AGL: variants seen among roughly 807,000 people sequenced by gnomAD.
AGL encodes amylo-alpha-1,6-glucosidase and 4-alpha-glucanotransferase.
A neutral mutation model predicts 199.3 loss-of-function variants in AGL; 128 were observed. The observed-to-expected ratio is 0.64, with a 90% confidence interval of 0.56 to 0.74. AGL has a LOEUF of 0.74. Ranked by LOEUF, AGL falls within the 30% of genes least tolerant of loss-of-function variation. The probability of loss-of-function intolerance (pLI) is 0.00; values close to 1 mark genes in which losing one functional copy is unlikely to be tolerated. For missense variants in AGL, 1,809 were observed against 1,820.8 expected (o/e 0.99, Z 0.12); for synonymous variants, 584 against 594.7 (o/e 0.98, Z 0.26).
At chr1:99,916,303 C>A in intron 31 of AGL, 107 bp from the exon 32 acceptor site, 11 of 902,986 alleles carry the variant, frequency 1.2e-5, no homozygotes, top group East Asian at 2.7e-5. Flanking sequence ...CTGTAGAAGA[C>A]AAAATAATTG....
chr1:99,866,826 A>ATTTAT (rs1553184052), intron 5 of AGL, among the ~76,000 whole-genome samples: 19 of 148,768 alleles, frequency 1.3e-4, no homozygotes, highest in African/African-American at 4.4e-4. Flanking sequence ...TATTTATTTT[A>ATTTAT]TTTTTTTTTG....
intron 20 of AGL, among the ~76,000 whole-genome samples, chr1:99,886,122 T>C (rs1176842316): frequency 2.6e-5 from 4 of 152,334 alleles, no homozygotes; most frequent in Non-Finnish European, 5.9e-5. Flanking sequence ...TTTAAGGGCA[T>C]GGAGTATAGA....
chr1:99,907,632 T>C (rs1654395278), intron 27 of AGL, among the ~76,000 whole-genome samples: 1 of 152,072 alleles, frequency 6.6e-6, no homozygotes, highest in Non-Finnish European at 1.5e-5. Context: ...CTGTGTTTGT[T>C]TTTTTGGATT....
chr1:99,918,695 T>C (rs1405228744), intron 33 of AGL, among the ~76,000 whole-genome samples: 1 of 152,166 alleles, frequency 6.6e-6, no homozygotes, highest in African/African-American at 2.4e-5. Context: ...TTTTGGTGTT[T>C]CTGTAAATGT....
chr1:99,866,882 G>A (rs559725791), intron 5 of AGL, among the ~76,000 whole-genome samples: 9 of 151,564 alleles, frequency 5.9e-5, no homozygotes, highest in Non-Finnish European at 7.4e-5. Context: ...GCAATGGCGC[G>A]ATCTCGGCTC....
chr1:99,852,709 A>T, intron 2 of AGL: 1 of 780,692 alleles, frequency 1.3e-6, no homozygotes, highest in Non-Finnish European at 2.4e-6. Flanking sequence ...TATTGGTGAG[A>T]TGAAAGTGGT....
rs1650136912 is a variant in AGL, at chr1:99,862,491, T to A, written c.460+68T>A. On this transcript the variant is annotated intron_variant, in intron 4 of 33. Transcript: ENST00000361915. ...TGTAATTATCCTCTGTGATATAGATTTCAAAAGTTTTGTGTATTAGTCCAT... is the reference window on the plus strand; with the variant it reads ...TGTAATTATCCTCTGTGATATAGATATCAAAAGTTTTGTGTATTAGTCCAT... The A allele has an allele frequency of 3.9e-6, 6 of 1,555,382 alleles. No individual in the cohort carries two copies. The Admixed American group carries it at 8.4e-5, about 22-fold the overall frequency.
In AGL at chr1:99,910,763, G is replaced by A; in HGVS notation, c.3752G>A (p.Gly1251Glu). 2 of 1,612,416 alleles carry A rather than the reference G, an allele frequency of 1.2e-6. No individual in the cohort carries two copies. The highest frequency in any genetic ancestry group is 2.2e-5 in the South Asian group (2 of 91,024). Residue 1251 changes from glycine to glutamate, a missense_variant, in exon 28 of 34, where the codon GGA (glycine) becomes GAA (glutamate). Gly to Glu is a moderately conservative substitution (Grantham distance 98, BLOSUM62 -2). Transcript: ENST00000361915. Reference protein sequence around the residue: ...VDEETGFVYGGNRFNCGTWMD... With the variant: ...VDEETGFVYGENRFNCGTWMD... ...GAAGAAACAGGATTTGTTTATGGAG[G>A]AAATCGTTTCAATTGTGGCACATGG...
intron 5 of AGL, 89 bp downstream of exon 5, chr1:99,864,678 AAG>A: frequency 1.6e-6 from 2 of 1,234,982 alleles, no homozygotes; most frequent in Non-Finnish European, 2.3e-6. Context: ...GGAAGAAAGA[AAG>A]AGAAAGGAAA....
At chr1:99,859,552 A>G (rs941058267) in intron 2 of AGL, among the ~76,000 whole-genome samples, 6 of 18,586 alleles carry the variant, frequency 3.2e-4, no homozygotes, top group South Asian at 3.4e-3. Context: ...AAAAGTGGTT[A>G]TTACATTTTT....
chr1:99,858,213 A>C (rs1033949065), intron 2 of AGL, among the ~76,000 whole-genome samples: 1 of 152,258 alleles, frequency 6.6e-6, no homozygotes, highest in Non-Finnish European at 1.5e-5. Flanking sequence ...TCGAACTTAA[A>C]AGATGAGTTA....
chr1:99,918,016 C>T (rs953725410), intron 33 of AGL, among the ~76,000 whole-genome samples: 1 of 152,154 alleles, frequency 6.6e-6, no homozygotes, highest in South Asian at 2.1e-4. Context: ...TTCTGTATCT[C>T]CATCTTGTAT....
In AGL at chr1:99,862,237, T is replaced by C. The variant is rs1229424392; in HGVS notation, c.294-20T>C. The C allele has an allele frequency of 1.2e-6, 2 of 1,613,790 alleles. No homozygotes were observed. The highest frequency in any genetic ancestry group is 3.3e-5 in the Admixed American group (2 of 60,006). ...TTTCTATCACTGACTGAAAAGTTTTTGTTTTGTTTTTTCCCTTAGAAATGA... is the reference window on the plus strand; with the variant it reads ...TTTCTATCACTGACTGAAAAGTTTTCGTTTTGTTTTTTCCCTTAGAAATGA... On this transcript the variant is annotated intron_variant, in intron 3 of 33. Transcript: ENST00000361915.
At position 99,867,062 on chromosome 1, in the gene AGL, G is replaced by A. The variant is rs145463384; in HGVS notation, c.664+2473G>A. On this transcript the variant is annotated intron_variant, in intron 5 of 33. Transcript: ENST00000361915. ...TTGAACTCCCGACCTCAAGTGATCC[G>A]CCCACCTTGGCCTCCCAAAGTGCTG... is the stretch of plus-strand genomic sequence containing the variant. Among the ~76,000 whole-genome samples, 710 of 152,072 alleles carry A rather than the reference G, an allele frequency of 4.7e-3. 4 individuals are homozygous for A. The highest frequency in any genetic ancestry group is 0.015 in the African/African-American group (636 of 41,492).
At chr1:99,875,597 A>T in intron 10 of AGL, 142 bp downstream of exon 10, 1 of 775,786 alleles carries the variant, frequency 1.3e-6, no homozygotes, top group Non-Finnish European at 2.1e-6. Flanking sequence ...ATTTGGACAT[A>T]GGCTTAATAT....
Position 99,900,879 on chromosome 1 carries a change from A to G in AGL, c.3588+18A>G, listed in dbSNP as rs750332432. ...GCACACTGGTAAAGATATTTCTTAA[A>G]ATGTTTTTTTGTTTTTTTTTTTTTT... is the stretch of plus-strand genomic sequence containing the variant. On this transcript the variant is annotated intron_variant, in intron 26 of 33. Transcript: ENST00000361915. The G allele has an allele frequency of 1.9e-6, 3 of 1,554,788 alleles. No individual in the cohort carries two copies. Among genetic ancestry groups the G allele is most frequent in the South Asian group, 2.3e-5 (2 of 86,362 alleles).
chr1:99,915,951 C>T (rs1230624936), intron 31 of AGL, among the ~76,000 whole-genome samples: 1 of 152,052 alleles, frequency 6.6e-6, no homozygotes, highest in Non-Finnish European at 1.5e-5. Context: ...GATAATAGGC[C>T]AATTTTAATT....
chr1:99,884,157 T>G lies in AGL; in HGVS notation c.2346T>G (p.Ile782Met). 1 of 1,612,910 alleles carries G rather than the reference T, an allele frequency of 6.2e-7. No individual in the cohort carries two copies. Among genetic ancestry groups the G allele is most frequent in the Non-Finnish European group, 8.5e-7 (1 of 1,179,124 alleles). The stretch of plus-strand genomic sequence containing the variant: ...AAGTAGTTCTTGAAGCTAGAACTAT[T>G]GAGAGAAACACGAAACCTTATAGGA... ...IEEVVLEART[I>M]ERNTKPYRKD... Residue 782 changes from isoleucine (I) to methionine (M), a missense_variant, in exon 18 of 34, where the codon ATT (isoleucine) becomes ATG (methionine). Ile to Met is a conservative substitution (Grantham distance 10, BLOSUM62 1). Transcript: ENST00000361915.
At chr1:99,908,266 A>T (rs1199822366) in intron 27 of AGL, among the ~76,000 whole-genome samples, 1 of 152,034 alleles carries the variant, frequency 6.6e-6, no homozygotes, top group Non-Finnish European at 1.5e-5. Flanking sequence ...GCCAAAAAAA[A>T]TATAAACTGT....
Sources: allele counts gnomAD v4.1 joint callset (sites outside exome capture counted in the v4.1 genomes callset), GRCh38; gene constraint gnomAD v4.1.1; transcripts MANE v1.5; gene names NCBI Gene and HGNC (gene_info 2026-07-23, HGNC 2026-07-21).